Variants in MAPRE2 observed in about 807,000 individuals in gnomAD.
The protein encoded by MAPRE2 is microtubule associated protein RP/EB family member 2.
MAPRE2 carries 13 observed loss-of-function variants against 43.2 expected under a neutral mutation model. The ratio of observed to expected loss-of-function variants is 0.30; its 90% confidence interval spans 0.20 to 0.48. The LOEUF (loss-of-function observed/expected upper bound fraction) is 0.48. Among genes scored for constraint, MAPRE2 ranks in the 20% least tolerant of loss-of-function variants. The pLI is 0.99. For missense variants in MAPRE2, 161 were observed against 400.2 expected, an observed-to-expected ratio of 0.40 and a Z score of 5.10; for synonymous variants, 135 against 148.8, an observed-to-expected ratio of 0.91 and a Z score of 0.68.
At chr18:35,011,393 T>C (rs760486715) in intron 2 of MAPRE2, among the ~76,000 whole-genome samples, 1 of 152,130 alleles carries the variant, frequency 6.6e-6, no homozygotes, top group Non-Finnish European at 1.5e-5. Flanking sequence ...AGAGAAGCAT[T>C]TGGCATATTA....
At chr18:35,074,429 G>A (rs1907246749) in intron 2 of MAPRE2, among the ~76,000 whole-genome samples, 1 of 152,148 alleles carries the variant, frequency 6.6e-6, no homozygotes, top group Admixed American at 6.5e-5. Context: ...TAGTGGAGGT[G>A]ATAGAGAAGA....
In MAPRE2 at chr18:35,141,980, TATGTGGAAAAG is replaced by T. The variant is rs772455501; in HGVS notation, c.*1615_*1625del. 6.6e-6 allele frequency: 1 copy of T among 152,250 alleles called. No individual in the cohort carries two copies. Among genetic ancestry groups the T allele is most frequent in the African/African-American group, 2.4e-5 (1 of 41,464 alleles). The allele number at this position is 152,250 out of a possible 1,614,324, so 9.4% of individuals were successfully genotyped here. On this transcript the variant is annotated 3_prime_UTR_variant, in exon 7 of 7. Coordinates refer to ENST00000300249, the MANE Select transcript of MAPRE2 (RefSeq NM_014268.4). ...TGCAGCAAAGTGATATTTATTGAGTTATGTGGAAAAGATGGCTTGTATTTTTCAGATTATTA... is the reference window on the plus strand; with the variant it reads ...TGCAGCAAAGTGATATTTATTGAGTTATGGCTTGTATTTTTCAGATTATTA...
At chr18:35,036,088 A>T (rs190604368) in intron 2 of MAPRE2, among the ~76,000 whole-genome samples, 1 of 151,756 alleles carries the variant, frequency 6.6e-6, no homozygotes, top group African/African-American at 2.4e-5. Context: ...TCGCAAAAGA[A>T]CAATTTAATC....
chr18:35,130,100 G>T (rs774401939), intron 5 of MAPRE2, among the ~76,000 whole-genome samples: 33 of 152,152 alleles, frequency 2.2e-4, no homozygotes, highest in Admixed American at 4.6e-4. Flanking sequence ...TAGGGAGCCA[G>T]ACAGACCTAT....
chr18:35,138,046 C>G (rs1477479220), intron 6 of MAPRE2, among the ~76,000 whole-genome samples: 1 of 152,184 alleles, frequency 6.6e-6, no homozygotes, highest in Non-Finnish European at 1.5e-5. Flanking sequence ...GAAGTTCTCT[C>G]CTGCTCCCCT....
At chr18:35,083,699 A>T (rs1173759551) in intron 2 of MAPRE2, among the ~76,000 whole-genome samples, 1 of 152,190 alleles carries the variant, frequency 6.6e-6, no homozygotes, top group Non-Finnish European at 1.5e-5. Context: ...ATCCTACAAG[A>T]AATCACTGGT....
intron 2 of MAPRE2, among the ~76,000 whole-genome samples, chr18:35,021,649 A>G (rs1317371810): frequency 6.6e-6 from 1 of 152,184 alleles, no homozygotes; most frequent in African/African-American, 2.4e-5. Context: ...AATTAAAAAT[A>G]TAATTAAATC....
intron 1 of MAPRE2, among the ~76,000 whole-genome samples, chr18:35,062,895 A>G (rs530328019): frequency 6.6e-6 from 1 of 152,290 alleles, no homozygotes; most frequent in African/African-American, 2.4e-5. Context: ...ATTTATGTGA[A>G]ACTGGGTGAA....
At chr18:35,060,307 G>T (rs1906459534) in intron 1 of MAPRE2, among the ~76,000 whole-genome samples, 2 of 152,104 alleles carry the variant, frequency 1.3e-5, no homozygotes, top group Admixed American at 6.5e-5. Context: ...GGGGGAGGGG[G>T]TACTGAGAAA....
chr18:35,046,157 G>T (rs763818752), intron 1 of MAPRE2, among the ~76,000 whole-genome samples: 4 of 152,116 alleles, frequency 2.6e-5, no homozygotes, highest in Non-Finnish European at 1.5e-5. Context: ...GGAAATTTGG[G>T]ACTAATTTAA....
chr18:35,040,014 A>G (rs758223662), upstream of MAPRE2, among the ~76,000 whole-genome samples: 1 of 152,100 alleles, frequency 6.6e-6, no homozygotes, highest in Non-Finnish European at 1.5e-5. Context: ...GACCAGCCTG[A>G]GCAACTCGGT....
chr18:34,998,549 G>T (rs918960463), intron 1 of MAPRE2, among the ~76,000 whole-genome samples: 1 of 151,574 alleles, frequency 6.6e-6, no homozygotes, highest in Admixed American at 6.6e-5. Flanking sequence ...GGATGGTCTC[G>T]ATCTCCTGAC....
At chr18:35,092,870 C>G (rs1603400239) in intron 2 of MAPRE2, among the ~76,000 whole-genome samples, 2 of 152,140 alleles carry the variant, frequency 1.3e-5, no homozygotes, top group Non-Finnish European at 2.9e-5. Flanking sequence ...CAAGGAAATA[C>G]AGTGGGAACC....
At chr18:35,056,362 G>T (rs533314156) in intron 1 of MAPRE2, among the ~76,000 whole-genome samples, 1 of 152,016 alleles carries the variant, frequency 6.6e-6, no homozygotes, top group Non-Finnish European at 1.5e-5. Context: ...AGTAAAATAG[G>T]TTTTTGAGAC....
intron 6 of MAPRE2, among the ~76,000 whole-genome samples, chr18:35,134,752 C>G (rs1057230900): frequency 6.6e-6 from 1 of 152,180 alleles, no homozygotes. Flanking sequence ...TGATTTTCAC[C>G]TTCGAAAGCC....
At chr18:35,118,441 T>C (rs1054423813) in intron 4 of MAPRE2, among the ~76,000 whole-genome samples, 1 of 152,100 alleles carries the variant, frequency 6.6e-6, no homozygotes, top group African/African-American at 2.4e-5. Flanking sequence ...AAAACATAGG[T>C]TTTGTGAAAT....
At position 35,041,436 on chromosome 18, in the gene MAPRE2, G is replaced by T. The variant is rs952224982; in HGVS notation, c.-104G>T. Reference sequence around the variant, plus strand: ...GGGAGAAGGCAGTGAGCGAGCAGGCGGCAGGCACGGTCCGTGCGGAGCAGG... The same window carrying T: ...GGGAGAAGGCAGTGAGCGAGCAGGCTGCAGGCACGGTCCGTGCGGAGCAGG... On this transcript the variant is annotated 5_prime_UTR_variant, in exon 1 of 7. Coordinates refer to ENST00000300249, the MANE Select transcript of MAPRE2 (RefSeq NM_014268.4). 100 of 1,583,442 alleles carry T rather than the reference G, an allele frequency of 6.3e-5. No individual in the cohort carries two copies. Among genetic ancestry groups the T allele is most frequent in the Non-Finnish European group, 8.5e-5 (99 of 1,164,144 alleles).
chr18:35,058,654 A>G (rs1339373894), intron 1 of MAPRE2, among the ~76,000 whole-genome samples: 1 of 152,224 alleles, frequency 6.6e-6, no homozygotes, highest in Non-Finnish European at 1.5e-5. Context: ...TTGCCAGCCA[A>G]AAATTCATTC....
Position 35,070,199 on chromosome 18 carries a change from G to T in MAPRE2, c.127G>T (p.Gly43Ter). The change falls in exon 2 of 7, where the codon GGA becomes TGA. Residue 43 changes from glycine to a stop codon, truncating the protein, a stop_gained. Transcript: ENST00000300249. LOFTEE classifies it high-confidence loss of function. Reference sequence around the variant, plus strand: ...TAAACTTTGTTTTTTTTCTAGTTGGGGAATGGCGGTCAATGTGTATTCTAC... The same window carrying T: ...TAAACTTTGTTTTTTTTCTAGTTGGTGAATGGCGGTCAATGTGTATTCTAC... The part of the protein sequence containing the change: ...TVRGERSYSW[G>*]MAVNVYSTSI... 1.3e-6 allele frequency: 2 copies of T among 1,580,436 alleles called. No homozygotes were observed. Among genetic ancestry groups the T allele is most frequent in the Admixed American group, 2.0e-5 (1 of 51,226 alleles).
Sources: gnomAD v4.1 joint callset for allele counts (sites outside exome capture counted in the v4.1 genomes callset) on GRCh38, gnomAD v4.1.1 for gene constraint, MANE v1.5 for transcripts, NCBI Gene and HGNC (gene_info 2026-07-23, HGNC 2026-07-21) for gene names.